The following LRFN2 variants were observed in gnomAD, a reference collection of about 807,000 sequenced individuals.
LRFN2 encodes leucine rich repeat and fibronectin type III domain containing 2, also known as leucine-rich repeat and fibronectin type-III domain-containing protein 2.
In LRFN2, 18 loss-of-function variants were observed where a neutral mutation model predicts 37.3. The ratio of observed to expected loss-of-function variants is 0.48; its 90% confidence interval spans 0.33 to 0.72. The LOEUF (loss-of-function observed/expected upper bound fraction) is 0.72. Ranked by LOEUF, LRFN2 falls within the 30% of genes least tolerant of loss-of-function variation. LRFN2 has a pLI of 0.02. For synonymous variants in LRFN2, 556 were observed against 466.6 expected, an observed-to-expected ratio of 1.19 and a Z score of -2.47; for missense variants, 1,006 against 1,060.7, an observed-to-expected ratio of 0.95 and a Z score of 0.72.
At chr6:40,552,454 T>C (rs1766794092) in intron 1 of LRFN2, among the ~76,000 whole-genome samples, 1 of 152,208 alleles carries the variant, frequency 6.6e-6, no homozygotes, top group Non-Finnish European at 1.5e-5. Flanking sequence ...TAAAATATTG[T>C]TTTACATCTG....
rs2113788630 is a variant in LRFN2 at position 40,392,328 on chromosome 6, G to A, written c.1985C>T (p.Ser662Phe). 6.2e-7 allele frequency: 1 copy of A among 1,610,872 alleles called. No homozygotes were observed. Among genetic ancestry groups the A allele is most frequent in the Non-Finnish European group, 8.5e-7 (1 of 1,178,882 alleles). Residue 662 changes from serine to phenylalanine, a missense_variant, in exon 3 of 3, where the codon TCC becomes TTC. Ser to Phe is a radical substitution (Grantham distance 155). This residue lies in a region of LRFN2 where 398 missense variants were observed against 327.6 expected (regional missense o/e 1.21). Coordinates refer to ENST00000338305, the MANE Select transcript of LRFN2 (RefSeq NM_020737.3). The surrounding 1 kb of genome is among the most constrained non-coding windows in gnomAD (Gnocchi z 4.7). ...SLDRLMGAFASLDLKSQRKEE... is the reference protein window; with the variant it reads ...SLDRLMGAFAFLDLKSQRKEE... ...CTTTCTCTGACTCTTGAGGTCCAGG[G>A]AGGCGAAGGCCCCCATCAGGCGGTC...
intron 1 of LRFN2, among the ~76,000 whole-genome samples, chr6:40,577,092 T>TCC (rs1767295316): frequency 2.1e-5 from 1 of 47,394 alleles, no homozygotes; most frequent in Admixed American, 1.6e-4. Context: ...TCTTTTCTTT[T>TCC]CTTTTCTTTT....
intron 1 of LRFN2, among the ~76,000 whole-genome samples, chr6:40,441,654 G>A (rs1763837959): frequency 6.6e-6 from 1 of 152,148 alleles, no homozygotes; most frequent in East Asian, 1.9e-4. Flanking sequence ...CAACCCACAG[G>A]CTGGCAGCTC....
chr6:40,413,480 C>T (rs1157061010), intron 2 of LRFN2, among the ~76,000 whole-genome samples: 5 of 152,202 alleles, frequency 3.3e-5, no homozygotes, highest in Non-Finnish European at 5.9e-5. Flanking sequence ...CATTAAATCT[C>T]GCTCTTCCCC....
At chr6:40,455,730 G>A (rs1399150595) in intron 1 of LRFN2, among the ~76,000 whole-genome samples, 3 of 152,278 alleles carry the variant, frequency 2.0e-5, no homozygotes, top group African/African-American at 4.8e-5. Flanking sequence ...AGAAGGGGAG[G>A]AGGTGGGACT....
rs112842904 is a variant in LRFN2 at position 40,578,379 on chromosome 6, C to A, written c.-19+8562G>T. Among the ~76,000 whole-genome samples the A allele has an allele frequency of 2.0e-4, 30 of 152,334 alleles. 1 individual carries two copies. Among genetic ancestry groups the A allele is most frequent in the African/African-American group, 4.6e-4 (19 of 41,572 alleles). ...CTCCTCCAAGATTCTTGTGACCCCTCGCCTGAATGCAGTGTGGCTGTAAGG... is the reference window on the plus strand; with the variant it reads ...CTCCTCCAAGATTCTTGTGACCCCTAGCCTGAATGCAGTGTGGCTGTAAGG... On this transcript the variant is annotated intron_variant, in intron 1 of 2. Transcript: ENST00000338305.
At position 40,526,519 on chromosome 6, in the gene LRFN2, C is replaced by T. The variant is rs147081629; in HGVS notation, c.-19+60422G>A. The stretch of plus-strand genomic sequence containing the variant: ...TCTTTAGCACACCAGTTCTCCACAC[C>T]TGCATGACGTTCTCTCCCCTGCCCT... On this transcript the variant is annotated intron_variant, in intron 1 of 2. Coordinates refer to ENST00000338305, the MANE Select transcript of LRFN2 (RefSeq NM_020737.3). 3.3e-5 allele frequency among the ~76,000 whole-genome samples: 5 copies of T among 152,272 alleles called. No individual in the cohort carries two copies. The East Asian group carries it at 7.7e-4, about 24-fold the overall frequency.
At chr6:40,487,829 G>GCCTTT (rs1420064084) in intron 1 of LRFN2, among the ~76,000 whole-genome samples, 3 of 152,198 alleles carry the variant, frequency 2.0e-5, no homozygotes, top group African/African-American at 7.2e-5. Flanking sequence ...GGTATCCTGT[G>GCCTTT]CCTTTCATCC....
chr6:40,529,142 G>A (rs1201333471), intron 1 of LRFN2, among the ~76,000 whole-genome samples: 4 of 152,146 alleles, frequency 2.6e-5, no homozygotes, highest in South Asian at 4.1e-4. Context: ...GCCTAAGCTC[G>A]GGAGGAAATA....
intron 1 of LRFN2, among the ~76,000 whole-genome samples, chr6:40,529,794 C>T (rs1012440865): frequency 6.6e-6 from 1 of 152,212 alleles, no homozygotes; most frequent in African/African-American, 2.4e-5. Context: ...GCATAACCCC[C>T]ACAGGGTGGA....
chr6:40,510,127 G>A (rs542774922), intron 1 of LRFN2, among the ~76,000 whole-genome samples: 6 of 150,458 alleles, frequency 4.0e-5, no homozygotes, highest in East Asian at 4.0e-4. Context: ...GCGTGCATGC[G>A]GGTATGCTAG....
chr6:40,458,647 A>C (rs2504841), intron 1 of LRFN2, among the ~76,000 whole-genome samples: 152,328 of 152,356 alleles, frequency 1, 76,150 homozygotes, highest in East Asian at 1. Flanking sequence ...ATGGTACCAG[A>C]CTCTCCTAGA....
rs77064625 is a variant in LRFN2 at position 40,520,688 on chromosome 6, C to T, written c.-19+66253G>A. Among the ~76,000 whole-genome samples, 1,176 of 147,240 alleles carry T rather than the reference C, an allele frequency of 8.0e-3. 12 individuals carry two copies. The highest frequency in any genetic ancestry group is 0.021 in the African/African-American group (870 of 41,048). On this transcript the variant is annotated intron_variant, in intron 1 of 2. Transcript: ENST00000338305. ...ACAGTGGTGCCAGCAAGGAGAGGGG[C>T]CTCTGGAGGCTGGTGCAGGCTGCAG... is the stretch of plus-strand genomic sequence containing the variant.
intron 1 of LRFN2, among the ~76,000 whole-genome samples, chr6:40,435,123 T>A (rs1406022012): frequency 7.3e-6 from 1 of 137,748 alleles, no homozygotes; most frequent in African/African-American, 2.7e-5. Flanking sequence ...ATATTTTATA[T>A]ATATATTATG....
intron 2 of LRFN2, among the ~76,000 whole-genome samples, chr6:40,412,008 T>C (rs965929198): frequency 6.6e-6 from 1 of 152,048 alleles, no homozygotes; most frequent in African/African-American, 2.4e-5. Flanking sequence ...GCATGTAACG[T>C]GGGGAGGAGA....
chr6:40,556,916 C>A (rs993008655), intron 1 of LRFN2, among the ~76,000 whole-genome samples: 2 of 152,140 alleles, frequency 1.3e-5, no homozygotes, highest in South Asian at 4.1e-4. Context: ...CTCAAGGCAT[C>A]CTTTGATTTT....
chr6:40,455,190 G>A (rs1041785559), intron 1 of LRFN2, among the ~76,000 whole-genome samples: 2 of 152,184 alleles, frequency 1.3e-5, no homozygotes. Flanking sequence ...TTGGAGTCAT[G>A]CTTTCCTCTC....
chr6:40,425,498 G>A (rs1763331713), intron 2 of LRFN2, among the ~76,000 whole-genome samples: 1 of 152,212 alleles, frequency 6.6e-6, no homozygotes, highest in Admixed American at 6.5e-5. Context: ...GCCAAGCTGG[G>A]GTGAACTGTT....
intron 2 of LRFN2, among the ~76,000 whole-genome samples, chr6:40,429,807 T>C (rs970333616): frequency 6.6e-6 from 1 of 152,176 alleles, no homozygotes; most frequent in Non-Finnish European, 1.5e-5. Flanking sequence ...TAATAGGAGA[T>C]TAGTTAAATA....
Sources: allele counts gnomAD v4.1 joint callset (sites outside exome capture counted in the v4.1 genomes callset), GRCh38; gene constraint gnomAD v4.1.1; regional missense constraint gnomAD v4.1.1; non-coding constraint Gnocchi (gnomAD v3.1); transcripts MANE v1.5; gene names NCBI Gene and HGNC (gene_info 2026-07-23, HGNC 2026-07-21).